DNAJC5B: variants seen among roughly 807,000 people sequenced by gnomAD.
DNAJC5B encodes the protein dnaJ homolog subfamily C member 5B.
DNAJC5B carries 23 observed loss-of-function variants against 24.7 expected under a neutral mutation model. The observed-to-expected ratio is 0.93, with a 90% CI of 0.67 to 1.32. The LOEUF (loss-of-function observed/expected upper bound fraction) is 1.32. Among genes scored for constraint, DNAJC5B ranks in the 40% most tolerant of loss-of-function variants. The pLI, the probability that DNAJC5B is intolerant of heterozygous loss-of-function variation, is 0.00. For missense variants in DNAJC5B, 238 were observed against 240.8 expected, an observed-to-expected ratio of 0.99 and a Z score of 0.08; for synonymous variants, 101 against 90.1, an observed-to-expected ratio of 1.12 and a Z score of -0.68.
chr8:66,016,536 T>A, the DNAJC5B span, among the ~76,000 whole-genome samples: 1 of 152,212 alleles, frequency 6.6e-6, no homozygotes, highest in African/African-American at 2.4e-5. Context: ...CAATTAAACC[T>A]CTTTCTTTAT....
At position 66,099,855 on chromosome 8, in the gene DNAJC5B, A is replaced by G. The variant is rs1289603970; in HGVS notation, c.506-82A>G. On this transcript the variant is annotated intron_variant, in intron 5 of 5. Coordinates refer to ENST00000276570, the MANE Select transcript of DNAJC5B (RefSeq NM_033105.6). The stretch of plus-strand genomic sequence containing the variant: ...GAGTTGATTTGCCAGTCATGAATTC[A>G]ACAAAAATACCTATCACTTGCTTCA... 8 of 1,281,690 alleles carry G rather than the reference A, an allele frequency of 6.2e-6. No homozygotes were observed. The African/African-American group carries it at 7.4e-5, about 12-fold the overall frequency. 79.4% of individuals were successfully genotyped at this position (1,281,690 alleles called of 1,614,324 possible).
At chr8:66,079,005 CT>C (rs1353504503) in intron 4 of DNAJC5B, among the ~76,000 whole-genome samples, 1 of 151,276 alleles carries the variant, frequency 6.6e-6, no homozygotes, top group African/African-American at 2.5e-5. Context: ...GTATAAACCT[CT>C]TTCTTTCTAT....
chr8:66,038,300 A>G (rs1010689641), intron 1 of DNAJC5B, among the ~76,000 whole-genome samples: 1 of 152,212 alleles, frequency 6.6e-6, no homozygotes, highest in African/African-American at 2.4e-5. Context: ...ATCCAGTGTG[A>G]CATAGGTGGT....
At chr8:66,073,044 T>C (rs1275827282) in intron 3 of DNAJC5B, among the ~76,000 whole-genome samples, 1 of 151,968 alleles carries the variant, frequency 6.6e-6, no homozygotes, top group Non-Finnish European at 1.5e-5. Flanking sequence ...GGCAGTACAA[T>C]AAGGGAAGAA....
chr8:66,024,017 A>T lies in DNAJC5B; in HGVS notation c.-142+2312A>T, dbSNP rs184536111. On this transcript the variant is annotated intron_variant, in intron 1 of 5. Transcript: ENST00000276570. ...GAAATGAAATGAAGAATTTTTAAAT[A>T]TAAATAGAGACCTAACTTTTATAGT... Among the ~76,000 whole-genome samples the T allele has an allele frequency of 1.1e-4, 16 of 152,362 alleles. No individual in the cohort carries two copies. The East Asian group carries it at 2.9e-3, about 28-fold the overall frequency.
At chr8:66,055,973 T>A (rs1420756739) in intron 3 of DNAJC5B, among the ~76,000 whole-genome samples, 1 of 152,034 alleles carries the variant, frequency 6.6e-6, no homozygotes. Flanking sequence ...AATAAGCATA[T>A]ATTCAGAACT....
intron 3 of DNAJC5B, among the ~76,000 whole-genome samples, chr8:66,065,320 C>G (rs1265829158): frequency 6.6e-6 from 1 of 152,230 alleles, no homozygotes; most frequent in Non-Finnish European, 1.5e-5. Context: ...GTGAGAAAAT[C>G]ATAGGATTGT....
chr8:66,065,029 G>A (rs1807160880), intron 3 of DNAJC5B, among the ~76,000 whole-genome samples: 1 of 152,196 alleles, frequency 6.6e-6, no homozygotes, highest in Non-Finnish European at 1.5e-5. Context: ...ATAAAGTCAA[G>A]TTAATACACA....
chr8:66,078,580 T>C (rs1807522642), intron 4 of DNAJC5B, among the ~76,000 whole-genome samples: 1 of 152,090 alleles, frequency 6.6e-6, no homozygotes, highest in Non-Finnish European at 1.5e-5. Flanking sequence ...GGGAATTGCA[T>C]GGTAAAAACA....
intron 3 of DNAJC5B, among the ~76,000 whole-genome samples, chr8:66,061,250 C>T (rs1164025591): frequency 1.3e-5 from 2 of 152,070 alleles, no homozygotes; most frequent in Non-Finnish European, 2.9e-5. Context: ...CTGTGAATAG[C>T]CACCGCACTC....
At chr8:66,040,477 T>C (rs532678096) in intron 1 of DNAJC5B, among the ~76,000 whole-genome samples, 1 of 152,324 alleles carries the variant, frequency 6.6e-6, no homozygotes, top group South Asian at 2.1e-4. Flanking sequence ...TTATTTTATG[T>C]TTTTTCACAA....
At chr8:66,026,921 A>G (rs1443508918) in intron 1 of DNAJC5B, among the ~76,000 whole-genome samples, 1 of 152,172 alleles carries the variant, frequency 6.6e-6, no homozygotes, top group African/African-American at 2.4e-5. Flanking sequence ...GTAGAACCCA[A>G]TGTGCTTTAA....
At chr8:66,097,725 T>C (rs79789470) in intron 5 of DNAJC5B, among the ~76,000 whole-genome samples, 10,232 of 152,224 alleles carry the variant, frequency 0.067, 523 homozygotes, top group African/African-American at 0.14. Context: ...AAAATATAGG[T>C]TGATGTCTTC....
At chr8:66,086,024 G>C (rs1195734737) in intron 5 of DNAJC5B, among the ~76,000 whole-genome samples, 1 of 152,030 alleles carries the variant, frequency 6.6e-6, no homozygotes, top group Non-Finnish European at 1.5e-5. Flanking sequence ...TTGTTAAATG[G>C]GTACCTAAGT....
intron 5 of DNAJC5B, among the ~76,000 whole-genome samples, chr8:66,089,380 C>T (rs2128966246): frequency 6.6e-6 from 1 of 152,310 alleles, no homozygotes; most frequent in South Asian, 2.1e-4. Context: ...AGTGACCAAA[C>T]ACCACAAATT....
chr8:66,037,108 G>T (rs544573216), intron 1 of DNAJC5B, among the ~76,000 whole-genome samples: 1 of 152,294 alleles, frequency 6.6e-6, no homozygotes, highest in African/African-American at 2.4e-5. Context: ...GGGGAATGGA[G>T]GATTCCCCAG....
intron 5 of DNAJC5B, among the ~76,000 whole-genome samples, chr8:66,097,953 G>T (rs1045125190): frequency 6.7e-6 from 1 of 149,186 alleles, no homozygotes; most frequent in Non-Finnish European, 1.5e-5. Flanking sequence ...GGGTTCAAGC[G>T]ATTCTCCTGC....
intron 1 of DNAJC5B, among the ~76,000 whole-genome samples, chr8:66,037,790 G>A (rs1187794764): frequency 6.6e-6 from 1 of 152,242 alleles, no homozygotes; most frequent in African/African-American, 2.4e-5. Flanking sequence ...AATTTAGTGA[G>A]CCTTGGCTGT....
At chr8:66,084,077 G>A (rs1169759306) in intron 5 of DNAJC5B, among the ~76,000 whole-genome samples, 1 of 152,152 alleles carries the variant, frequency 6.6e-6, no homozygotes, top group African/African-American at 2.4e-5. Context: ...CTCCTTATAA[G>A]GAACTATGCC....
Sources: gnomAD v4.1 joint callset for allele counts (sites outside exome capture counted in the v4.1 genomes callset) on GRCh38, gnomAD v4.1.1 for gene constraint, MANE v1.5 for transcripts, NCBI Gene and HGNC (gene_info 2026-07-23, HGNC 2026-07-21) for gene names.